The following ATF7IP variants were observed in gnomAD, a reference collection of about 807,000 sequenced individuals.
ATF7IP encodes activating transcription factor 7 interacting protein.
Under a neutral mutation model 106.4 loss-of-function variants are expected in ATF7IP, and 23 were observed. The ratio of observed to expected loss-of-function variants is 0.22; its 90% CI spans 0.16 to 0.31. ATF7IP has a LOEUF of 0.31. Among genes scored for constraint, ATF7IP ranks in the 10% least tolerant of loss-of-function variants. ATF7IP has a pLI of 1.00. For synonymous variants in ATF7IP, 542 were observed against 539.0 expected (o/e 1.01, Z -0.08); for missense variants, 1,334 against 1,524.3 (o/e 0.88, Z 2.08).
rs544842826 is a variant in ATF7IP at position 14,481,720 on chromosome 12, T to C, written c.3280+535T>C. ...ATTAGTATAGTACACAATTTGATATTGGTATATTCTCTACTCTATTAAGAA... is the reference window on the plus strand; with the variant it reads ...ATTAGTATAGTACACAATTTGATATCGGTATATTCTCTACTCTATTAAGAA... On this transcript the variant is annotated intron_variant, in intron 13 of 14. Coordinates refer to ENST00000261168, the MANE Select transcript of ATF7IP (RefSeq NM_018179.5). 7 of 327,716 alleles carry C rather than the reference T, an allele frequency of 2.1e-5. No individual in the cohort carries two copies. The East Asian group carries it at 7.1e-4, about 33-fold the overall frequency. The allele number at this position is 327,716 out of a possible 1,614,324, so 20.3% of individuals were successfully genotyped here. A position where few individuals can be genotyped will look rare whatever the true frequency, so the allele number is the denominator to read the frequency against.
At chr12:14,391,180 G>T (rs1245105658) in intron 1 of ATF7IP, among the ~76,000 whole-genome samples, 1 of 152,198 alleles carries the variant, frequency 6.6e-6, no homozygotes, top group Admixed American at 6.5e-5. Flanking sequence ...ATATGTAACA[G>T]TCTGTTATTA....
chr12:14,411,117 T>C (rs932132074), intron 1 of ATF7IP, among the ~76,000 whole-genome samples: 1 of 152,208 alleles, frequency 6.6e-6, no homozygotes, highest in African/African-American at 2.4e-5. Context: ...TGTGGACATA[T>C]GTTTTCATTT....
At chr12:14,495,786 G>A (rs1447516371) in intron 13 of ATF7IP, among the ~76,000 whole-genome samples, 5 of 152,134 alleles carry the variant, frequency 3.3e-5, no homozygotes, top group Non-Finnish European at 5.9e-5. Context: ...GATACTCCCA[G>A]TTTGTCTGTC....
chr12:14,467,365 G>A (rs1283010704), intron 10 of ATF7IP, among the ~76,000 whole-genome samples: 2 of 151,950 alleles, frequency 1.3e-5, no homozygotes, highest in East Asian at 1.9e-4. Flanking sequence ...CTTTAAAAAC[G>A]ATGGATTTTG....
intron 13 of ATF7IP, among the ~76,000 whole-genome samples, chr12:14,484,399 C>G (rs1351258194): frequency 6.6e-6 from 1 of 152,184 alleles, no homozygotes; most frequent in Non-Finnish European, 1.5e-5. Flanking sequence ...TGAGCACTCA[C>G]AAGGGATACA....
chr12:14,442,822 G>A (rs7964899), intron 5 of ATF7IP, among the ~76,000 whole-genome samples: 61,667 of 151,944 alleles, frequency 0.41, 13,223 homozygotes, highest in East Asian at 0.6. Context: ...ACGTTTTTAT[G>A]TTAACAACCT....
At chr12:14,482,927 A>G (rs1353724955) in intron 13 of ATF7IP, among the ~76,000 whole-genome samples, 2 of 152,394 alleles carry the variant, frequency 1.3e-5, no homozygotes, top group African/African-American at 4.8e-5. Flanking sequence ...ACATAAAGTT[A>G]ACAATACTTA....
chr12:14,380,642 A>C (rs1010431863), intron 1 of ATF7IP, among the ~76,000 whole-genome samples: 5 of 152,214 alleles, frequency 3.3e-5, no homozygotes, highest in African/African-American at 1.2e-4. Flanking sequence ...ATTTTTTTTA[A>C]GACAGAATCT....
chr12:14,389,649 C>T (rs796794312), intron 1 of ATF7IP, among the ~76,000 whole-genome samples: 1 of 152,028 alleles, frequency 6.6e-6, no homozygotes, highest in Non-Finnish European at 1.5e-5. Flanking sequence ...GTTTTTGAGA[C>T]GGAGTTTCGC....
intron 6 of ATF7IP, among the ~76,000 whole-genome samples, chr12:14,448,855 A>G (rs1591885836): frequency 6.6e-6 from 1 of 152,166 alleles, no homozygotes; most frequent in East Asian, 1.9e-4. Context: ...TCATGGATGT[A>G]TGTGATACCT....
At chr12:14,439,059 TTTA>T (rs1217135441) in intron 5 of ATF7IP, among the ~76,000 whole-genome samples, 1 of 152,228 alleles carries the variant, frequency 6.6e-6, no homozygotes, top group Non-Finnish European at 1.5e-5. Flanking sequence ...CTTGTCATTT[TTTA>T]TTAAGTACAA....
At chr12:14,452,253 C>G (rs1414681666) in intron 6 of ATF7IP, among the ~76,000 whole-genome samples, 1 of 152,138 alleles carries the variant, frequency 6.6e-6, no homozygotes, top group Non-Finnish European at 1.5e-5. Context: ...AAGTGAGCCT[C>G]TTGTAGGCAC....
Position 14,460,831 on chromosome 12 carries a change from C to T in ATF7IP, c.2495C>T (p.Pro832Leu). Reference protein sequence around the residue: ...PPTVSGLTKNPVSLPSLPNPT... With the variant: ...PPTVSGLTKNLVSLPSLPNPT... ...ACAGTGAGTGGTCTTACCAAAAATC[C>T]AGTATCCTTGCCATCCTTGCCAAAT... is the stretch of plus-strand genomic sequence containing the variant. Residue 832 changes from proline (P) to leucine (L), a missense_variant, in exon 9 of 15, where the codon CCA becomes CTA. Pro to Leu is a moderately conservative substitution (Grantham distance 98). Around this residue, in one of 10 missense-constraint regions of ATF7IP, gnomAD observed 370 missense variants for 401.2 expected, o/e 0.92. Coordinates refer to ENST00000261168, the MANE Select transcript of ATF7IP (RefSeq NM_018179.5). The T allele has an allele frequency of 1.9e-6, 3 of 1,614,158 alleles. No homozygotes were observed. Among genetic ancestry groups the T allele is most frequent in the Non-Finnish European group, 2.5e-6 (3 of 1,180,022 alleles).
chr12:14,454,565 A>G (rs1943351339), intron 6 of ATF7IP, among the ~76,000 whole-genome samples: 1 of 152,180 alleles, frequency 6.6e-6, no homozygotes, highest in Non-Finnish European at 1.5e-5. Flanking sequence ...GATGGGGTAT[A>G]GTGAGTAAAT....
At chr12:14,376,573 T>C (rs1487411728) in intron 1 of ATF7IP, among the ~76,000 whole-genome samples, 1 of 152,224 alleles carries the variant, frequency 6.6e-6, no homozygotes, top group Non-Finnish European at 1.5e-5. Context: ...ATTTATTTAT[T>C]AGCTTGTCTC....
chr12:14,498,164 C>G lies in ATF7IP; in HGVS notation c.*91C>G. ...GCATGATACCCCATGTAAAATCCAC[C>G]TTGTGCAAGATTTCTTGGACAGATG... On this transcript the variant is annotated 3_prime_UTR_variant, in exon 15 of 15. Transcript: ENST00000261168. 1 of 1,272,142 alleles carries G rather than the reference C, an allele frequency of 7.9e-7. No homozygotes were observed. Among genetic ancestry groups the G allele is most frequent in the East Asian group, 2.3e-5 (1 of 42,796 alleles). The allele number at this position is 1,272,142 out of a possible 1,614,324, so 78.8% of individuals were successfully genotyped here.
chr12:14,414,490 A>G (rs188961532), intron 1 of ATF7IP, among the ~76,000 whole-genome samples: 12 of 152,312 alleles, frequency 7.9e-5, no homozygotes, highest in Middle Eastern at 3.4e-3. Context: ...CTCATCTGCT[A>G]TCGTTAACGT....
chr12:14,409,647 G>A (rs941919107), intron 1 of ATF7IP, among the ~76,000 whole-genome samples: 2 of 152,022 alleles, frequency 1.3e-5, no homozygotes, highest in Non-Finnish European at 2.9e-5. Context: ...TACCATTTGG[G>A]ACAGGGAAAA....
intron 1 of ATF7IP, among the ~76,000 whole-genome samples, chr12:14,390,065 G>A (rs1335892315): frequency 2.0e-5 from 3 of 152,178 alleles, no homozygotes; most frequent in African/African-American, 7.2e-5. Flanking sequence ...TTCAGATAGG[G>A]CCTTCTCTTG....
Sources: gnomAD v4.1 joint callset for allele counts (sites outside exome capture counted in the v4.1 genomes callset) on GRCh38, gnomAD v4.1.1 for gene constraint, gnomAD v4.1.1 regional missense constraint, MANE v1.5 for transcripts, NCBI Gene and HGNC (gene_info 2026-07-23, HGNC 2026-07-21) for gene names.